Variants in PHACTR1 observed in about 807,000 individuals in gnomAD.
The protein encoded by PHACTR1 is phosphatase and actin regulator 1.
A neutral mutation model predicts 69.2 loss-of-function variants in PHACTR1; 16 were observed. The ratio of observed to expected loss-of-function variants is 0.23; its 90% CI spans 0.16 to 0.35. The LOEUF (loss-of-function observed/expected upper bound fraction) is 0.35, where lower values mean the gene tolerates loss of function less well. PHACTR1 is among the 10% of genes least tolerant of loss of function. The pLI is 1.00. For synonymous variants in PHACTR1, 312 were observed against 284.5 expected (o/e 1.10, Z -0.97); for missense variants, 510 against 734.7 (o/e 0.69, Z 3.54).
chr6:13,088,983 A>G (rs755706445), intron 5 of PHACTR1, among the ~76,000 whole-genome samples: 39 of 152,190 alleles, frequency 2.6e-4, no homozygotes, highest in Non-Finnish European at 4.6e-4. Flanking sequence ...CATCCAGAAA[A>G]CAGAGCAATT....
intron 4 of PHACTR1, among the ~76,000 whole-genome samples, chr6:13,000,614 G>GAGGGAGGAAGGAAGGA (rs1797963977): frequency 1.9e-5 from 2 of 103,650 alleles, no homozygotes; most frequent in African/African-American, 4.6e-5. Flanking sequence ...GGAGGGAAGG[G>GAGGGAGGAAGGAAGGA]AGGAAGGAAG....
chr6:12,944,826 A>C (rs957048464), intron 4 of PHACTR1, among the ~76,000 whole-genome samples: 1 of 150,192 alleles, frequency 6.7e-6, no homozygotes, highest in African/African-American at 2.5e-5. Flanking sequence ...TCTATCGCCC[A>C]GGCTGGAATG....
At chr6:12,908,507 TAA>T (rs71801444) in intron 4 of PHACTR1, among the ~76,000 whole-genome samples, 1 of 146,044 alleles carries the variant, frequency 6.8e-6, no homozygotes. Flanking sequence ...TGCAGAGATT[TAA>T]AAAAAAAAAA....
At chr6:12,899,134 A>T (rs2127479343) in intron 4 of PHACTR1, among the ~76,000 whole-genome samples, 1 of 152,178 alleles carries the variant, frequency 6.6e-6, no homozygotes, top group South Asian at 2.1e-4. Context: ...CTTACATTGG[A>T]CTGAAATTGC....
At chr6:13,198,277 A>T (rs1292892295) in intron 7 of PHACTR1, among the ~76,000 whole-genome samples, 1 of 152,188 alleles carries the variant, frequency 6.6e-6, no homozygotes, top group Non-Finnish European at 1.5e-5. Context: ...AAGGGATTGA[A>T]TTGACTCAAT....
chr6:13,041,147 T>C (rs1434163099), intron 4 of PHACTR1, among the ~76,000 whole-genome samples: 2 of 152,070 alleles, frequency 1.3e-5, no homozygotes, highest in Non-Finnish European at 1.5e-5. Context: ...CCCAAAGGAA[T>C]TAACAGGACA....
At chr6:12,767,989 A>G (rs1768861439) in intron 4 of PHACTR1, among the ~76,000 whole-genome samples, 1 of 152,120 alleles carries the variant, frequency 6.6e-6, no homozygotes, top group African/African-American at 2.4e-5. Context: ...GACCTGGCGC[A>G]TTAGGATAAT....
At chr6:13,006,424 C>A (rs1015479420) in intron 4 of PHACTR1, among the ~76,000 whole-genome samples, 5 of 152,132 alleles carry the variant, frequency 3.3e-5, no homozygotes, top group Admixed American at 6.5e-5. Flanking sequence ...CATTTTGACT[C>A]AGAGTTCTAC....
chr6:12,784,060 A>G (rs1771173844), intron 4 of PHACTR1, among the ~76,000 whole-genome samples: 2 of 152,124 alleles, frequency 1.3e-5, no homozygotes, highest in African/African-American at 2.4e-5. Context: ...ATATGCACAT[A>G]TACATGATAT....
chr6:13,203,280 A>G (rs1294255487), intron 7 of PHACTR1, among the ~76,000 whole-genome samples: 2 of 152,238 alleles, frequency 1.3e-5, no homozygotes, highest in African/African-American at 4.8e-5. Flanking sequence ...TTGAGGTACA[A>G]TAATAAATTA....
At chr6:13,247,631 C>T (rs537051000) in intron 10 of PHACTR1, among the ~76,000 whole-genome samples, 1 of 152,088 alleles carries the variant, frequency 6.6e-6, no homozygotes, top group Admixed American at 6.5e-5. Context: ...CAGGTGTGAG[C>T]CACCGTGCCC....
intron 4 of PHACTR1, among the ~76,000 whole-genome samples, chr6:12,944,787 A>ATTTATTTATTT (rs1554172585): frequency 6.9e-5 from 8 of 116,340 alleles, no homozygotes; most frequent in African/African-American, 2.3e-4. Flanking sequence ...ATTTTTATTT[A>ATTTATTTATTT]TTTTTTTTTT....
At chr6:12,995,086 GATGGA>G (rs770612938) in intron 4 of PHACTR1, among the ~76,000 whole-genome samples, 1 of 152,016 alleles carries the variant, frequency 6.6e-6, no homozygotes, top group Non-Finnish European at 1.5e-5. Context: ...ATGAAACAAT[GATGGA>G]ATGTTTTCTA....
chr6:12,984,469 A>T (rs1038672861), intron 4 of PHACTR1, among the ~76,000 whole-genome samples: 1 of 152,222 alleles, frequency 6.6e-6, no homozygotes, highest in Non-Finnish European at 1.5e-5. Flanking sequence ...GAGGGCATAG[A>T]TAGTGGGAAT....
chr6:12,749,370 C>A, intron 3 of PHACTR1: 1 of 522,764 alleles, frequency 1.9e-6, no homozygotes, highest in South Asian at 1.8e-5. Flanking sequence ...TGGGGGAGCC[C>A]CGGGCGCCAG....
intron 4 of PHACTR1, among the ~76,000 whole-genome samples, chr6:13,025,709 G>GTGTGTGTGTC (rs1001399090): frequency 6.2e-4 from 94 of 151,210 alleles, no homozygotes; most frequent in African/African-American, 2.2e-3. Context: ...GTGTGTGTGT[G>GTGTGTGTGTC]TCTGTGTGTA....
chr6:13,081,097 C>T (rs1811303344), intron 5 of PHACTR1, among the ~76,000 whole-genome samples: 1 of 152,116 alleles, frequency 6.6e-6, no homozygotes, highest in Admixed American at 6.5e-5. Context: ...CATAAAAACC[C>T]TAAAAGTGTC....
intron 10 of PHACTR1, among the ~76,000 whole-genome samples, chr6:13,233,823 C>G (rs1771592010): frequency 6.6e-6 from 1 of 152,216 alleles, no homozygotes; most frequent in South Asian, 2.1e-4. Flanking sequence ...GCAGCATATT[C>G]AAGCCATTGA....
chr6:12,728,350 A>G lies in PHACTR1; in HGVS notation c.103+9503A>G, dbSNP rs190463547. Among the ~76,000 whole-genome samples, 576 of 152,168 alleles carry G rather than the reference A, an allele frequency of 3.8e-3. 8 individuals are homozygous for G. The highest frequency in any genetic ancestry group is 0.013 in the African/African-American group (536 of 41,500). ...TCAAGAAGAATAAAATCAACCCTAC[A>G]CAACTATTTAATTTTTTTGTATTTA... On this transcript the variant is annotated intron_variant, in intron 3 of 14. Coordinates refer to ENST00000332995, the MANE Select transcript of PHACTR1 (RefSeq NM_030948.6).
Sources: allele counts gnomAD v4.1 joint callset (sites outside exome capture counted in the v4.1 genomes callset), GRCh38; gene constraint gnomAD v4.1.1; transcripts MANE v1.5; gene names NCBI Gene and HGNC (gene_info 2026-07-23, HGNC 2026-07-21).